Variants in CDH12 observed in about 807,000 individuals in gnomAD.
CDH12 encodes the protein cadherin-12.
In CDH12, 41 loss-of-function variants were observed where a neutral mutation model predicts 74.1. The observed-to-expected ratio is 0.55, with a 90% CI of 0.43 to 0.72. The LOEUF (loss-of-function observed/expected upper bound fraction) is 0.72. CDH12 is among the 30% of genes least tolerant of loss of function. The pLI, the probability that CDH12 is intolerant of heterozygous loss-of-function variation, is 0.00. For missense variants in CDH12, 945 were observed against 977.2 expected, an observed-to-expected ratio of 0.97 and a Z score of 0.44; for synonymous variants, 399 against 355.0, an observed-to-expected ratio of 1.12 and a Z score of -1.39.
intron 5 of CDH12, among the ~76,000 whole-genome samples, chr5:22,026,852 G>A (rs1043372169): frequency 3.9e-5 from 6 of 152,138 alleles, no homozygotes; most frequent in African/African-American, 1.4e-4. Flanking sequence ...GCAAAGGTTA[G>A]AACCTGTACT....
intron 2 of CDH12, among the ~76,000 whole-genome samples, chr5:22,407,530 AT>A (rs71609763): frequency 6.6e-5 from 10 of 151,392 alleles, no homozygotes; most frequent in South Asian, 2.1e-4. Flanking sequence ...GTAAAAGATG[AT>A]TTTTTTTTGA....
chr5:22,294,332 G>A (rs1325650099), intron 3 of CDH12, among the ~76,000 whole-genome samples: 1 of 152,142 alleles, frequency 6.6e-6, no homozygotes, highest in Non-Finnish European at 1.5e-5. Flanking sequence ...CAGTTTCTTA[G>A]AATAAAACAT....
At chr5:21,784,339 T>C (rs1476107577) in intron 10 of CDH12, among the ~76,000 whole-genome samples, 1 of 152,102 alleles carries the variant, frequency 6.6e-6, no homozygotes, top group Non-Finnish European at 1.5e-5. Context: ...ATATGACAAT[T>C]TGATAGACGT....
At chr5:22,781,928 A>C (rs919022644) in intron 1 of CDH12, among the ~76,000 whole-genome samples, 1 of 152,168 alleles carries the variant, frequency 6.6e-6, no homozygotes, top group East Asian at 1.9e-4. Flanking sequence ...TGGAACTTTA[A>C]GATTTAATGA....
In CDH12 at chr5:22,314,941, C is replaced by CT. The variant is rs759734847; in HGVS notation, c.-333+90315dup. Among the ~76,000 whole-genome samples, 56 of 67,760 alleles carry CT rather than the reference C, an allele frequency of 8.3e-4. 16 individuals are homozygous for CT. The highest frequency in any genetic ancestry group is 2.8e-3 in the African/African-American group (41 of 14,804). 44.5% of individuals were successfully genotyped at this position (67,760 alleles called of 152,430 possible). ...GAAAAGCAGAGGTCCCTGGGTTGGT[C>CT]TTTTTTTTTTTTTTTTTTTTTTTTT... On this transcript the variant is annotated intron_variant, in intron 3 of 14. Transcript: ENST00000382254.
At chr5:22,712,123 G>A (rs764853002) in intron 1 of CDH12, among the ~76,000 whole-genome samples, 31 of 151,724 alleles carry the variant, frequency 2.0e-4, no homozygotes, top group Non-Finnish European at 4.0e-4. Flanking sequence ...TATAGGTATC[G>A]TTATACCTAT....
intron 3 of CDH12, among the ~76,000 whole-genome samples, chr5:22,353,890 A>G (rs1029940095): frequency 6.6e-6 from 1 of 152,210 alleles, no homozygotes; most frequent in Admixed American, 6.5e-5. Context: ...CATGGATTGC[A>G]TATGGGTTGC....
chr5:22,212,033 TA>T lies in CDH12; in HGVS notation c.-187+464del, dbSNP rs1751574470. ...ATTAAAATATTCAGGGATTTAGTCC[TA>T]AATCCTTAAACCAAAAGGGAGCTCA... On this transcript the variant is annotated intron_variant, in intron 4 of 14. Coordinates refer to ENST00000382254, the MANE Select transcript of CDH12 (RefSeq NM_004061.5). 2.6e-5 allele frequency among the ~76,000 whole-genome samples: 4 copies of T among 151,258 alleles called. No homozygotes were observed. In the South Asian group the frequency reaches 8.4e-4, roughly 32 times the overall value.
rs1385187363 is a variant in CDH12 at position 22,248,415 on chromosome 5, C to T, written c.-332-35772G>A. On this transcript the variant is annotated intron_variant, in intron 3 of 14. Transcript: ENST00000382254. The stretch of plus-strand genomic sequence containing the variant: ...ATCAAGAGATTCTCAGGAGTATTTT[C>T]AGAATCCTTGAACAATTTCAGGGGA... Among the ~76,000 whole-genome samples, 3 of 152,116 alleles carry T rather than the reference C, an allele frequency of 2.0e-5. No homozygotes were observed. In the East Asian group the frequency reaches 5.8e-4, roughly 29 times the overall value.
intron 1 of CDH12, among the ~76,000 whole-genome samples, chr5:22,772,372 G>T (rs1746850636): frequency 1.3e-5 from 2 of 151,912 alleles, no homozygotes; most frequent in African/African-American, 4.8e-5. Flanking sequence ...GAAAAAAGTA[G>T]CTACTTTCTG....
At chr5:22,846,574 T>C (rs937401357) in intron 1 of CDH12, among the ~76,000 whole-genome samples, 36 of 152,170 alleles carry the variant, frequency 2.4e-4, no homozygotes, top group African/African-American at 8.7e-4. Context: ...AAAGATTTAA[T>C]GTGAAAAAAA....
chr5:22,811,912 A>G (rs1351189594), intron 1 of CDH12, among the ~76,000 whole-genome samples: 1 of 152,168 alleles, frequency 6.6e-6, no homozygotes, highest in Non-Finnish European at 1.5e-5. Flanking sequence ...GAAAAGATCG[A>G]AGTTAGAGAA....
intron 1 of CDH12, among the ~76,000 whole-genome samples, chr5:22,603,617 G>T (rs183766854): frequency 6.6e-6 from 1 of 152,146 alleles, no homozygotes; most frequent in Admixed American, 6.5e-5. Context: ...TTACTCAGAA[G>T]GCAAGGAAAG....
intron 7 of CDH12, among the ~76,000 whole-genome samples, chr5:21,844,999 G>GTAGGTAGATAGA (rs143176975): frequency 2.0e-5 from 3 of 149,600 alleles, no homozygotes; most frequent in Admixed American, 6.7e-5. Context: ...ACTGAGGTAG[G>GTAGGTAGATAGA]TAGATAGATA....
Position 22,078,794 on chromosome 5 carries a change from AATG to A in CDH12, c.-121_-119del. ...ACTTAGCTTCTTGTTTTATTGCAGA[AATG>A]ATGATGCAGGCATTAATCCTTTTGA... On this transcript the variant is annotated 5_prime_UTR_variant, in exon 5 of 15. Coordinates refer to ENST00000382254, the MANE Select transcript of CDH12 (RefSeq NM_004061.5). The A allele has an allele frequency of 6.8e-7, 1 of 1,469,626 alleles. No homozygotes were observed. The highest frequency in any genetic ancestry group is 9.0e-7 in the Non-Finnish European group (1 of 1,116,118). The allele number at this position is 1,469,626 out of a possible 1,614,324, so 91.0% of individuals were successfully genotyped here. A position where few individuals can be genotyped will look rare whatever the true frequency, so the allele number is the denominator to read the frequency against.
chr5:22,310,945 A>G (rs954227625), intron 3 of CDH12, among the ~76,000 whole-genome samples: 3 of 152,238 alleles, frequency 2.0e-5, no homozygotes, highest in African/African-American at 7.2e-5. Flanking sequence ...CAACTCAGGC[A>G]GTATTCTGGT....
At chr5:22,408,398 G>A (rs188413780) in intron 2 of CDH12, among the ~76,000 whole-genome samples, 10 of 151,804 alleles carry the variant, frequency 6.6e-5, no homozygotes, top group Admixed American at 5.3e-4. Flanking sequence ...TTGAACCAAC[G>A]TAAGTCACCT....
chr5:22,584,725 C>T (rs1454589036), intron 1 of CDH12, among the ~76,000 whole-genome samples: 3 of 151,898 alleles, frequency 2.0e-5, no homozygotes, highest in Non-Finnish European at 4.4e-5. Flanking sequence ...TACTTTTTGT[C>T]ATTCCATCCT....
intron 4 of CDH12, among the ~76,000 whole-genome samples, chr5:22,191,097 C>G (rs531309870): frequency 6.6e-6 from 1 of 152,148 alleles, no homozygotes; most frequent in Non-Finnish European, 1.5e-5. Context: ...ATTTTAGCTG[C>G]TGTAGCTTCT....
Sources: allele counts gnomAD v4.1 joint callset (sites outside exome capture counted in the v4.1 genomes callset), GRCh38; gene constraint gnomAD v4.1.1; transcripts MANE v1.5; gene names NCBI Gene and HGNC (gene_info 2026-07-23, HGNC 2026-07-21).